The following DCC variants were observed in gnomAD, a reference collection of about 807,000 sequenced individuals.
The protein encoded by DCC is DCC netrin 1 receptor.
Under a neutral mutation model 172.5 loss-of-function variants are expected in DCC, and 58 were observed. The ratio of observed to expected loss-of-function variants is 0.34; its 90% CI spans 0.27 to 0.42. The LOEUF is 0.42. Among genes scored for constraint, DCC ranks in the 10% least tolerant of loss-of-function variants. The pLI is 1.00. For synonymous variants in DCC, 709 were observed against 644.5 expected (o/e 1.10, Z -1.52); for missense variants, 1,740 against 1,791.0 (o/e 0.97, Z 0.51).
chr18:52,921,160 T>A lies in DCC; in HGVS notation c.698-2547T>A, dbSNP rs1045198887. Among the ~76,000 whole-genome samples, 3 of 152,164 alleles carry A rather than the reference T, an allele frequency of 2.0e-5. No homozygotes were observed. In the South Asian group the frequency reaches 6.2e-4, roughly 31 times the overall value. On this transcript the variant is annotated intron_variant, in intron 3 of 28. Transcript: ENST00000442544. Reference sequence around the variant, plus strand: ...TATGAAAAGTAAAGGGTGTAAATAATGTCAGCTATGGACTTCAGTTAATGA... The same window carrying A: ...TATGAAAAGTAAAGGGTGTAAATAAAGTCAGCTATGGACTTCAGTTAATGA...
intron 14 of DCC, among the ~76,000 whole-genome samples, chr18:53,322,531 T>C (rs1231151533): frequency 6.6e-6 from 1 of 152,126 alleles, no homozygotes; most frequent in Non-Finnish European, 1.5e-5. Flanking sequence ...CTATATAATA[T>C]AGCTTCTCTT....
intron 1 of DCC, among the ~76,000 whole-genome samples, chr18:52,479,306 T>A (rs1193975178): frequency 2.6e-5 from 4 of 152,204 alleles, no homozygotes; most frequent in Non-Finnish European, 4.4e-5. Flanking sequence ...TGTTACTGCC[T>A]GTTAGAAAAA....
At chr18:52,795,720 A>G (rs949251774) in intron 2 of DCC, among the ~76,000 whole-genome samples, 1 of 151,752 alleles carries the variant, frequency 6.6e-6, no homozygotes, top group African/African-American at 2.4e-5. Flanking sequence ...CACTTTTATG[A>G]TGTCATTTAT....
chr18:52,576,802 C>G (rs2033422898), intron 1 of DCC, among the ~76,000 whole-genome samples: 1 of 148,298 alleles, frequency 6.7e-6, no homozygotes, highest in Admixed American at 6.8e-5. Flanking sequence ...TGCACTCCAT[C>G]CTGGGTGACA....
intron 1 of DCC, among the ~76,000 whole-genome samples, chr18:52,686,837 A>G (rs1321301366): frequency 1.3e-5 from 2 of 152,050 alleles, no homozygotes; most frequent in African/African-American, 4.8e-5. Flanking sequence ...TGCCTTGATC[A>G]TATTTCTGCC....
intron 13 of DCC, among the ~76,000 whole-genome samples, chr18:53,319,461 T>G (rs2057382723): frequency 6.6e-6 from 1 of 151,592 alleles, no homozygotes; most frequent in Non-Finnish European, 1.5e-5. Flanking sequence ...AAAGCAGGGG[T>G]TGCAATCCTA....
intron 1 of DCC, among the ~76,000 whole-genome samples, chr18:52,601,796 T>G (rs1044694693): frequency 2.0e-5 from 3 of 152,110 alleles, no homozygotes; most frequent in African/African-American, 7.2e-5. Context: ...TCTGGTCCAA[T>G]TTTGCTTCCG....
chr18:52,806,847 G>A (rs534121267), intron 2 of DCC, among the ~76,000 whole-genome samples: 2 of 152,072 alleles, frequency 1.3e-5, no homozygotes, highest in Non-Finnish European at 1.5e-5. Context: ...ACCAGTCTTA[G>A]CCAGTTTGGT....
At chr18:52,771,964 A>C (rs917840679) in intron 2 of DCC, among the ~76,000 whole-genome samples, 1 of 152,050 alleles carries the variant, frequency 6.6e-6, no homozygotes, top group African/African-American at 2.4e-5. Context: ...TGATTCTAAT[A>C]TATACCAAAG....
intron 1 of DCC, among the ~76,000 whole-genome samples, chr18:52,350,709 C>T (rs1984081390): frequency 6.6e-6 from 1 of 152,122 alleles, no homozygotes. Context: ...AATGGACTGA[C>T]AGAGCCAATT....
chr18:52,986,298 T>C (rs904246599), intron 5 of DCC, among the ~76,000 whole-genome samples: 1 of 152,088 alleles, frequency 6.6e-6, no homozygotes, highest in African/African-American at 2.4e-5. Context: ...ATTTTAGGAA[T>C]TAGGAGAAAT....
intron 7 of DCC, among the ~76,000 whole-genome samples, chr18:53,101,048 A>T (rs957895794): frequency 1.1e-4 from 17 of 152,100 alleles, no homozygotes; most frequent in African/African-American, 3.6e-4. Context: ...ATTTATTTGG[A>T]TGGCTGTCTT....
chr18:53,120,697 G>A (rs1048881933), intron 7 of DCC, among the ~76,000 whole-genome samples: 1 of 151,832 alleles, frequency 6.6e-6, no homozygotes, highest in Non-Finnish European at 1.5e-5. Context: ...TTTAAATGCT[G>A]TCTGATAATT....
chr18:53,072,607 G>A (rs764334353), intron 7 of DCC, among the ~76,000 whole-genome samples: 26 of 152,162 alleles, frequency 1.7e-4, no homozygotes, highest in Non-Finnish European at 3.2e-4. Context: ...GCATAAATGC[G>A]TGAAGACAGA....
chr18:52,590,582 C>T (rs895909537), intron 1 of DCC, among the ~76,000 whole-genome samples: 12 of 152,242 alleles, frequency 7.9e-5, no homozygotes, highest in Middle Eastern at 3.4e-3. Flanking sequence ...AGGGTGCAAG[C>T]GCTGAGAGTG....
chr18:53,106,408 T>C (rs2043248391), intron 7 of DCC, among the ~76,000 whole-genome samples: 1 of 151,936 alleles, frequency 6.6e-6, no homozygotes, highest in Non-Finnish European at 1.5e-5. Context: ...AAGCTGAAAC[T>C]CTGGGCATGT....
At chr18:52,410,843 A>G (rs773055815) in intron 1 of DCC, among the ~76,000 whole-genome samples, 9 of 152,122 alleles carry the variant, frequency 5.9e-5, no homozygotes, top group Non-Finnish European at 1.3e-4. Context: ...GATCCAGAAT[A>G]CAATATTGGA....
chr18:52,355,934 TTACATG>T (rs1450191692), intron 1 of DCC, among the ~76,000 whole-genome samples: 1 of 152,032 alleles, frequency 6.6e-6, no homozygotes, highest in Non-Finnish European at 1.5e-5. Flanking sequence ...ACACTGTTCT[TTACATG>T]TTCAGGCTCT....
At chr18:53,452,677 G>GA (rs2045428483) in intron 23 of DCC, among the ~76,000 whole-genome samples, 1 of 152,144 alleles carries the variant, frequency 6.6e-6, no homozygotes, top group African/African-American at 2.4e-5. Flanking sequence ...ATTAATGACT[G>GA]AAAATCCAAG....
Sources: allele counts gnomAD v4.1 joint callset (sites outside exome capture counted in the v4.1 genomes callset), GRCh38; gene constraint gnomAD v4.1.1; transcripts MANE v1.5; gene names NCBI Gene and HGNC (gene_info 2026-07-23, HGNC 2026-07-21).